Variants in FOXP1 observed in about 807,000 individuals in gnomAD.
The protein encoded by FOXP1 is forkhead box P1, also known as forkhead box protein P1.
Under a neutral mutation model 98.2 loss-of-function variants are expected in FOXP1, and 15 were observed. That is an observed-to-expected ratio of 0.15 (90% confidence interval 0.10 to 0.24). The LOEUF (loss-of-function observed/expected upper bound fraction) is 0.24. FOXP1 is among the 10% of genes least tolerant of loss of function. FOXP1 has a pLI of 1.00. For missense variants in FOXP1, 633 were observed against 848.5 expected (o/e 0.75, Z 3.15); for synonymous variants, 371 against 314.5 (o/e 1.18, Z -1.90).
At chr3:71,579,429 G>C (rs1403158752) in intron 2 of FOXP1, among the ~76,000 whole-genome samples, 1 of 152,026 alleles carries the variant, frequency 6.6e-6, no homozygotes, top group East Asian at 1.9e-4. Context: ...AAAATGTAAA[G>C]TAGTTAAATT....
At chr3:71,129,073 G>GA (rs1364160805) in intron 6 of FOXP1, among the ~76,000 whole-genome samples, 1 of 152,012 alleles carries the variant, frequency 6.6e-6, no homozygotes, top group African/African-American at 2.4e-5. Flanking sequence ...ATGCCATCCA[G>GA]AAAAAACAAA....
At chr3:71,087,677 A>T (rs2055284241) in intron 7 of FOXP1, among the ~76,000 whole-genome samples, 1 of 152,206 alleles carries the variant, frequency 6.6e-6, no homozygotes, top group African/African-American at 2.4e-5. Flanking sequence ...TGTTTTTATA[A>T]CCAAATTTGT....
chr3:70,991,369 G>C (rs1227618645), intron 13 of FOXP1, among the ~76,000 whole-genome samples: 1 of 152,154 alleles, frequency 6.6e-6, no homozygotes, highest in Admixed American at 6.5e-5. Flanking sequence ...GTTTAAGACA[G>C]TCTGGGCTGT....
intron 3 of FOXP1, among the ~76,000 whole-genome samples, chr3:71,391,451 A>G (rs2081023711): frequency 6.6e-6 from 1 of 152,230 alleles, no homozygotes; most frequent in Non-Finnish European, 1.5e-5. Flanking sequence ...AAAATGATTG[A>G]TGTGATGTCT....
chr3:71,200,370 G>A (rs2063594492), intron 5 of FOXP1, among the ~76,000 whole-genome samples: 1 of 152,172 alleles, frequency 6.6e-6, no homozygotes, highest in Admixed American at 6.5e-5. Context: ...GTTTGCGGAT[G>A]AGAAAACTAA....
intron 3 of FOXP1, among the ~76,000 whole-genome samples, chr3:71,402,539 T>C (rs1485583533): frequency 6.6e-6 from 1 of 152,238 alleles, no homozygotes; most frequent in Non-Finnish European, 1.5e-5. Flanking sequence ...TGTACATTTC[T>C]AGCAGGGTAA....
At chr3:71,197,880 C>T (rs2063388001) in intron 6 of FOXP1, 1 of 1,614,036 alleles carries the variant, frequency 6.2e-7, no homozygotes, top group Non-Finnish European at 8.5e-7. Context: ...CAGTGGGAAC[C>T]ATTTCTCCAA....
In FOXP1 at chr3:71,296,860, C is replaced by G. The variant is rs1443288657; in HGVS notation, c.-12+2960G>C. On this transcript the variant is annotated intron_variant, in intron 5 of 20. Transcript: ENST00000649528. The stretch of plus-strand genomic sequence containing the variant: ...TGACAAATCTGGTTGTTAAAAAGAG[C>G]CTGGCTCCCCTTCCCTCCAAGCTTC... Among the ~76,000 whole-genome samples the G allele has an allele frequency of 2.0e-5, 3 of 152,168 alleles. No homozygotes were observed. In the East Asian group the frequency reaches 5.8e-4, roughly 29 times the overall value.
At chr3:71,518,670 G>C (rs938043914) in intron 2 of FOXP1, among the ~76,000 whole-genome samples, 9 of 152,150 alleles carry the variant, frequency 5.9e-5, no homozygotes, top group African/African-American at 2.2e-4. Context: ...AAGAACAAAG[G>C]GTGTCTGAAA....
At chr3:71,312,864 G>C (rs561463459) in intron 4 of FOXP1, among the ~76,000 whole-genome samples, 1 of 152,126 alleles carries the variant, frequency 6.6e-6, no homozygotes, top group East Asian at 2.0e-4. Flanking sequence ...GGTGGTGCTT[G>C]CCTGTAGTCC....
At chr3:71,522,071 A>G (rs1003852636) in intron 2 of FOXP1, among the ~76,000 whole-genome samples, 2 of 152,198 alleles carry the variant, frequency 1.3e-5, no homozygotes, top group African/African-American at 4.8e-5. Flanking sequence ...CCAAAATAAA[A>G]AACAGCCACA....
At chr3:71,018,456 T>TAA (rs1281521288) in intron 11 of FOXP1, among the ~76,000 whole-genome samples, 1 of 152,194 alleles carries the variant, frequency 6.6e-6, no homozygotes, top group Non-Finnish European at 1.5e-5. Flanking sequence ...GTTCACATAT[T>TAA]AAACTGCAGT....
upstream of FOXP1, chr3:71,583,819 C>T: frequency 1.0e-6 from 1 of 987,778 alleles, no homozygotes; most frequent in Non-Finnish European, 1.2e-6. Flanking sequence ...GCGGCGGCGG[C>T]GGCGGCAGAG....
chr3:70,981,157 A>G (rs1291746302), intron 14 of FOXP1, among the ~76,000 whole-genome samples: 1 of 132,830 alleles, frequency 7.5e-6, no homozygotes, highest in Non-Finnish European at 1.6e-5. Context: ...CCTTGTAGCT[A>G]TTACCAAGAT....
At chr3:71,275,809 C>T (rs775807592) in intron 5 of FOXP1, among the ~76,000 whole-genome samples, 111 of 152,100 alleles carry the variant, frequency 7.3e-4, no homozygotes, top group Non-Finnish European at 9.1e-4. Flanking sequence ...GGGAGTGGTT[C>T]CCCATCCTCT....
At chr3:71,440,403 C>A (rs961806908) in intron 3 of FOXP1, among the ~76,000 whole-genome samples, 1 of 145,032 alleles carries the variant, frequency 6.9e-6, no homozygotes, top group Non-Finnish European at 1.5e-5. Flanking sequence ...CCGTGCCGGG[C>A]GCGGTGGCTC....
intron 7 of FOXP1, among the ~76,000 whole-genome samples, chr3:71,090,297 C>A (rs928096113): frequency 2.0e-5 from 3 of 152,302 alleles, no homozygotes; most frequent in South Asian, 4.1e-4. Context: ...ACAGTACCTC[C>A]CTGTTTGTAA....
chr3:71,583,466 T>G, intron 1 of FOXP1, 105 bp downstream of exon 1: 2 of 326,630 alleles, frequency 6.1e-6, no homozygotes, highest in Non-Finnish European at 8.4e-6. Flanking sequence ...TCTTTCTTTC[T>G]TTTTTTTTTT....
chr3:71,196,335 T>G lies in FOXP1; in HGVS notation c.180+1867A>C, dbSNP rs535493555. 1.1e-4 allele frequency among the ~76,000 whole-genome samples: 16 copies of G among 152,320 alleles called. No individual in the cohort carries two copies. The South Asian group carries it at 2.3e-3, about 22-fold the overall frequency. On this transcript the variant is annotated intron_variant, in intron 6 of 20. Coordinates refer to ENST00000649528, the MANE Select transcript of FOXP1 (RefSeq NM_001349338.3). ...GTTGGTGAAATATGCTTTTATAATTTTATTCTATGTAGCCAATTTGTTATC... is the reference window on the plus strand; with the variant it reads ...GTTGGTGAAATATGCTTTTATAATTGTATTCTATGTAGCCAATTTGTTATC...
Sources: allele counts gnomAD v4.1 joint callset (sites outside exome capture counted in the v4.1 genomes callset), GRCh38; gene constraint gnomAD v4.1.1; transcripts MANE v1.5; gene names NCBI Gene and HGNC (gene_info 2026-07-23, HGNC 2026-07-21).